CAMKMT: variants seen among roughly 807,000 people sequenced by gnomAD.
CAMKMT encodes CaM KMT.
In CAMKMT, 53 loss-of-function variants were observed where a neutral mutation model predicts 48.0. The observed-to-expected ratio is 1.10, with a 90% CI of 0.89 to 1.39. CAMKMT has a LOEUF of 1.39. Among genes scored for constraint, CAMKMT ranks in the 40% most tolerant of loss-of-function variants. CAMKMT has a pLI of 0.00. For synonymous variants in CAMKMT, 165 were observed against 152.3 expected, an observed-to-expected ratio of 1.08 and a Z score of -0.61; for missense variants, 428 against 402.7, an observed-to-expected ratio of 1.06 and a Z score of -0.54.
At chr2:44,670,117 C>T (rs185922796) in intron 3 of CAMKMT, among the ~76,000 whole-genome samples, 1 of 152,188 alleles carries the variant, frequency 6.6e-6, no homozygotes, top group Non-Finnish European at 1.5e-5. Context: ...GAATACTAAT[C>T]CTTGATCAGT....
chr2:44,706,979 G>T (rs1274756205), intron 5 of CAMKMT, among the ~76,000 whole-genome samples: 2 of 151,956 alleles, frequency 1.3e-5, no homozygotes, highest in African/African-American at 4.8e-5. Flanking sequence ...GCATGTCAAA[G>T]CTCACAAAAA....
intron 8 of CAMKMT, among the ~76,000 whole-genome samples, chr2:44,751,477 A>T (rs923769144): frequency 6.6e-6 from 1 of 152,224 alleles, no homozygotes; most frequent in South Asian, 2.1e-4. Context: ...TAACAGTAAA[A>T]ACTACCTCAT....
chr2:44,596,630 G>C (rs1364267322), intron 3 of CAMKMT, among the ~76,000 whole-genome samples: 1 of 151,942 alleles, frequency 6.6e-6, no homozygotes, highest in Admixed American at 6.6e-5. Context: ...TTAAAGTCCA[G>C]TCCAATTCAT....
chr2:44,770,628 C>G (rs1418201141), intron 10 of CAMKMT, among the ~76,000 whole-genome samples: 1 of 152,208 alleles, frequency 6.6e-6, no homozygotes, highest in Non-Finnish European at 1.5e-5. Flanking sequence ...TGAGCTCCCT[C>G]TATCACTAGG....
intron 6 of CAMKMT, among the ~76,000 whole-genome samples, chr2:44,710,770 C>G (rs900455384): frequency 1.3e-5 from 2 of 152,118 alleles, no homozygotes; most frequent in African/African-American, 4.8e-5. Context: ...GATGCTAAGC[C>G]TCTTCTAAAT....
In CAMKMT at chr2:44,596,430, C is replaced by T. The variant is rs548857466; in HGVS notation, c.377-107853C>T. On this transcript the variant is annotated intron_variant, in intron 3 of 10. Transcript: ENST00000378494. ...TGCCACTGCACTCCAGGCTGGGTAA[C>T]AGAGCGAGACTCTGTCTCAAAAAAA... Among the ~76,000 whole-genome samples, 4 of 151,466 alleles carry T rather than the reference C, an allele frequency of 2.6e-5. No homozygotes were observed. In the East Asian group the frequency reaches 7.7e-4, roughly 29 times the overall value.
chr2:44,533,107 C>G (rs1666580210), intron 3 of CAMKMT, among the ~76,000 whole-genome samples: 1 of 151,272 alleles, frequency 6.6e-6, no homozygotes, highest in Non-Finnish European at 1.5e-5. Context: ...AGCCACCGCT[C>G]CTGACCTAAA....
intron 10 of CAMKMT, among the ~76,000 whole-genome samples, chr2:44,768,929 C>T (rs546021986): frequency 6.6e-6 from 1 of 152,214 alleles, no homozygotes; most frequent in African/African-American, 2.4e-5. Context: ...GACTGTAAGA[C>T]GCCTGATAAT....
intron 3 of CAMKMT, among the ~76,000 whole-genome samples, chr2:44,465,090 A>G (rs1668040753): frequency 1.3e-5 from 2 of 152,202 alleles, no homozygotes; most frequent in Admixed American, 1.3e-4. Context: ...ATGTTAATGA[A>G]TATAAAATAT....
chr2:44,743,772 C>T lies in CAMKMT; in HGVS notation c.698+76C>T, dbSNP rs565662597. 23 of 1,138,626 alleles carry T rather than the reference C, an allele frequency of 2.0e-5. No homozygotes were observed. In the African/African-American group the frequency reaches 3.4e-4, roughly 17 times the overall value. 70.5% of individuals were successfully genotyped at this position (1,138,626 alleles called of 1,614,324 possible). On this transcript the variant is annotated intron_variant, in intron 8 of 10. Transcript: ENST00000378494. ...GGAGTAATTGGGCTGTGTTGCTTAG[C>T]TGACGGCTAAGCAAAGTCAACAAAT...
intron 2 of CAMKMT, among the ~76,000 whole-genome samples, chr2:44,383,266 G>A (rs960120684): frequency 1.3e-5 from 2 of 152,060 alleles, no homozygotes; most frequent in African/African-American, 4.8e-5. Flanking sequence ...CCAGGTTCAA[G>A]CAATTCTCCT....
Position 44,694,213 on chromosome 2 carries a change from T to G in CAMKMT, c.377-10070T>G, listed in dbSNP as rs551033418. Among the ~76,000 whole-genome samples, 2 of 152,356 alleles carry G rather than the reference T, an allele frequency of 1.3e-5. 1 individual carries two copies. Among genetic ancestry groups the G allele is most frequent in the Admixed American group, 1.3e-4 (2 of 15,300 alleles). On this transcript the variant is annotated intron_variant, in intron 3 of 10. Transcript: ENST00000378494. ...CCTCAGGTTACTGAATTTTAGGATT[T>G]GCTCAGTCTTCAGGTTAATCATAGT...
intron 3 of CAMKMT, among the ~76,000 whole-genome samples, chr2:44,460,296 A>G (rs553313875): frequency 1.7e-4 from 26 of 152,344 alleles, no homozygotes; most frequent in African/African-American, 5.5e-4. Flanking sequence ...GTTTCAAAAT[A>G]AAAGAGTATA....
chr2:44,488,434 G>T (rs2104703443), intron 3 of CAMKMT, among the ~76,000 whole-genome samples: 1 of 152,296 alleles, frequency 6.6e-6, no homozygotes, highest in East Asian at 1.9e-4. Context: ...AACCCAGGAG[G>T]CAGAGGTTGT....
At chr2:44,639,772 G>C (rs769346629) in intron 3 of CAMKMT, among the ~76,000 whole-genome samples, 27 of 152,090 alleles carry the variant, frequency 1.8e-4, no homozygotes, top group Non-Finnish European at 2.6e-4. Context: ...TATTTTTCAG[G>C]GTGCCTTATT....
intron 7 of CAMKMT, among the ~76,000 whole-genome samples, chr2:44,739,569 A>G (rs1314509923): frequency 6.6e-6 from 1 of 152,224 alleles, no homozygotes; most frequent in Non-Finnish European, 1.5e-5. Flanking sequence ...AGGAAGTTGG[A>G]TATATGAATC....
chr2:44,727,317 C>T (rs1678845730), intron 7 of CAMKMT, among the ~76,000 whole-genome samples: 1 of 152,074 alleles, frequency 6.6e-6, no homozygotes, highest in Admixed American at 6.6e-5. Context: ...TATAGTTCTC[C>T]TTGCAGAGAT....
rs564896057 is a variant in CAMKMT at position 44,636,174 on chromosome 2, C to T, written c.377-68109C>T. Reference sequence around the variant, plus strand: ...GAAGTGGAGAAATAAAGGTGGGGCACACTATCCAAAAAGCTGGACTAAGGG... The same window carrying T: ...GAAGTGGAGAAATAAAGGTGGGGCATACTATCCAAAAAGCTGGACTAAGGG... On this transcript the variant is annotated intron_variant, in intron 3 of 10. Coordinates refer to ENST00000378494, the MANE Select transcript of CAMKMT (RefSeq NM_024766.5). Among the ~76,000 whole-genome samples the T allele has an allele frequency of 5.3e-5, 8 of 152,236 alleles. No individual in the cohort carries two copies. The East Asian group carries it at 1.2e-3, about 22-fold the overall frequency.
rs534911284 is a variant in CAMKMT, at chr2:44,750,034, G to C, written c.699-4021G>C. On this transcript the variant is annotated intron_variant, in intron 8 of 10. Coordinates refer to ENST00000378494, the MANE Select transcript of CAMKMT (RefSeq NM_024766.5). ...GCTTAAGGTAAGGGACTCACCGTTA[G>C]AGAAGAAATTCAAGTTGTGAATGGA... 8.5e-5 allele frequency among the ~76,000 whole-genome samples: 13 copies of C among 152,338 alleles called. No homozygotes were observed. The East Asian group carries it at 2.5e-3, about 29-fold the overall frequency.
Sources: allele counts gnomAD v4.1 joint callset (sites outside exome capture counted in the v4.1 genomes callset), GRCh38; gene constraint gnomAD v4.1.1; transcripts MANE v1.5; gene names NCBI Gene and HGNC (gene_info 2026-07-23, HGNC 2026-07-21).